Variants in USH2A observed in about 807,000 individuals in gnomAD.
USH2A encodes the protein usherin, also known as Usher syndrome 2A (autosomal recessive, mild).
In USH2A, 443 loss-of-function variants were observed where a neutral mutation model predicts 538.9. The observed-to-expected ratio is 0.82, with a 90% confidence interval of 0.76 to 0.89. USH2A has a LOEUF of 0.89. Ranked by LOEUF, USH2A falls within the 40% of genes least tolerant of loss-of-function variation. USH2A has a pLI of 0.00. For synonymous variants in USH2A, 2,413 were observed against 2,273.5 expected (o/e 1.06, Z -1.75); for missense variants, 6,633 against 6,324.8 (o/e 1.05, Z -1.65).
At chr1:215,720,879 A>G (rs1296492034) in intron 61 of USH2A, among the ~76,000 whole-genome samples, 2 of 152,150 alleles carry the variant, frequency 1.3e-5, no homozygotes, top group Non-Finnish European at 2.9e-5. Flanking sequence ...CAAAATTAAT[A>G]GAAGATTAAT....
At chr1:216,092,815 T>G (rs928109613) in intron 22 of USH2A, among the ~76,000 whole-genome samples, 1 of 152,310 alleles carries the variant, frequency 6.6e-6, no homozygotes, top group East Asian at 1.9e-4. Flanking sequence ...GCCATCCTGC[T>G]CAACCCATAT....
At chr1:216,065,023 T>C (rs1291502659) in intron 30 of USH2A, among the ~76,000 whole-genome samples, 1 of 152,238 alleles carries the variant, frequency 6.6e-6, no homozygotes, top group Non-Finnish European at 1.5e-5. Context: ...CAAAACTGCA[T>C]GCATAGTTAA....
At chr1:215,734,564 T>C (rs1660100511) in intron 60 of USH2A, among the ~76,000 whole-genome samples, 1 of 152,226 alleles carries the variant, frequency 6.6e-6, no homozygotes, top group African/African-American at 2.4e-5. Flanking sequence ...TGCTCTCTGC[T>C]TCCCTTTTAC....
At chr1:215,990,224 A>G (rs1433395691) in intron 35 of USH2A, among the ~76,000 whole-genome samples, 2 of 152,240 alleles carry the variant, frequency 1.3e-5, no homozygotes, top group African/African-American at 2.4e-5. Flanking sequence ...GGTCAAATGC[A>G]AGATCGGTAT....
chr1:215,680,243 C>G lies in USH2A; in HGVS notation c.12200G>C (p.Ser4067Thr), dbSNP rs915415173. Reference sequence around the variant, plus strand: ...TTCTACTATAAAGTTTCTCAGTCCACTTGGGGAAGATTCTAAGGTTTGAAT... The same window carrying G: ...TTCTACTATAAAGTTTCTCAGTCCAGTTGGGGAAGATTCTAAGGTTTGAAT... Reference protein sequence around the residue: ...TLIQTLESSPSGLRNFIVEQK... With the variant: ...TLIQTLESSPTGLRNFIVEQK... The change falls in exon 62 of 72, where the codon AGT (serine) becomes ACT (threonine). Residue 4067 changes from serine (S) to threonine (T), a missense_variant. Coordinates refer to ENST00000307340, the MANE Select transcript of USH2A (RefSeq NM_206933.4). 6.2e-7 allele frequency: 1 copy of G among 1,614,038 alleles called. No individual in the cohort carries two copies. Among genetic ancestry groups the G allele is most frequent in the Non-Finnish European group, 8.5e-7 (1 of 1,180,012 alleles).
At chr1:215,994,574 C>T (rs1668090326) in intron 34 of USH2A, among the ~76,000 whole-genome samples, 1 of 152,114 alleles carries the variant, frequency 6.6e-6, no homozygotes, top group Non-Finnish European at 1.5e-5. Context: ...AATTAAGCAA[C>T]TTTCAGATGG....
At chr1:216,274,449 T>C (rs576218964) in intron 11 of USH2A, among the ~76,000 whole-genome samples, 36 of 152,246 alleles carry the variant, frequency 2.4e-4, no homozygotes, top group Non-Finnish European at 4.3e-4. Context: ...TTCTCAGCCC[T>C]AAGATGTGGA....
At chr1:216,352,246 C>A (rs1450119660) in intron 4 of USH2A, among the ~76,000 whole-genome samples, 1 of 151,732 alleles carries the variant, frequency 6.6e-6, no homozygotes, top group Admixed American at 6.6e-5. Context: ...GCTTGGGGTA[C>A]CAATACTAAG....
At chr1:215,776,901 C>T (rs771659754) in intron 55 of USH2A, among the ~76,000 whole-genome samples, 6 of 152,004 alleles carry the variant, frequency 3.9e-5, no homozygotes, top group South Asian at 4.1e-4. Flanking sequence ...CATTCCTGTC[C>T]CCAAAGAACT....
chr1:216,182,114 G>A (rs2034505670), intron 20 of USH2A, among the ~76,000 whole-genome samples: 1 of 152,064 alleles, frequency 6.6e-6, no homozygotes, highest in South Asian at 2.1e-4. Context: ...ATATGTCCAT[G>A]TGGGAGAAAA....
chr1:216,001,481 A>G (rs1668264825), intron 32 of USH2A, among the ~76,000 whole-genome samples: 1 of 152,178 alleles, frequency 6.6e-6, no homozygotes, highest in African/African-American at 2.4e-5. Context: ...AATCTGTAAT[A>G]TACTAACTCA....
chr1:215,978,600 ATAAT>A (rs767041143), intron 35 of USH2A, among the ~76,000 whole-genome samples: 10 of 152,228 alleles, frequency 6.6e-5, no homozygotes, highest in Non-Finnish European at 1.0e-4. Flanking sequence ...AAACATAGGT[ATAAT>A]TAAATAACAA....
At position 216,301,991 on chromosome 1, in the gene USH2A, A is replaced by G. The variant is rs144885931; in HGVS notation, c.1645-9621T>C. 4.6e-5 allele frequency among the ~76,000 whole-genome samples: 7 copies of G among 152,324 alleles called. No individual in the cohort carries two copies. The East Asian group carries it at 1.4e-3, about 29-fold the overall frequency. The stretch of plus-strand genomic sequence containing the variant: ...GATCCAGTTTCACTGTGATTTGTCT[A>G]CTAGGTAGAGAAATCATCTTTATAA... On this transcript the variant is annotated intron_variant, in intron 9 of 71. Coordinates refer to ENST00000307340, the MANE Select transcript of USH2A (RefSeq NM_206933.4).
chr1:215,922,706 T>A (rs1442606278), intron 38 of USH2A, among the ~76,000 whole-genome samples: 1 of 152,006 alleles, frequency 6.6e-6, no homozygotes, highest in East Asian at 1.9e-4. Context: ...GAGAGTAGGG[T>A]TTGAGAAGTT....
In USH2A at chr1:215,867,050, A is replaced by G; in HGVS notation, c.8802T>C (p.Ser2934=). The change falls in exon 44 of 72, where the codon AGT becomes AGC. Residue 2934 remains serine, a synonymous_variant. Coordinates refer to ENST00000307340, the MANE Select transcript of USH2A (RefSeq NM_206933.4). ...CGTCGATGGCTGTGTGGTTAAGGAC[A>G]CTCGCAGTGAGATTGGCTCCTCTCT... ...LPERGANLTA[S]VLNHTAIDVR... 1 of 1,614,058 alleles carries G rather than the reference A, an allele frequency of 6.2e-7. No homozygotes were observed. The highest frequency in any genetic ancestry group is 8.5e-7 in the Non-Finnish European group (1 of 1,179,988).
intron 21 of USH2A, among the ~76,000 whole-genome samples, chr1:216,129,586 G>A (rs1213202656): frequency 6.6e-6 from 1 of 151,984 alleles, no homozygotes; most frequent in Non-Finnish European, 1.5e-5. Context: ...CATTTTCTAT[G>A]TTCATGTATT....
intron 38 of USH2A, among the ~76,000 whole-genome samples, chr1:215,902,727 G>T (rs1206011423): frequency 6.6e-6 from 1 of 152,120 alleles, no homozygotes; most frequent in Non-Finnish European, 1.5e-5. Context: ...GACTTCACTG[G>T]CATGAGGGAG....
At chr1:216,183,794 T>C (rs778282741) in intron 20 of USH2A, among the ~76,000 whole-genome samples, 3 of 152,026 alleles carry the variant, frequency 2.0e-5, no homozygotes, top group Non-Finnish European at 4.4e-5. Flanking sequence ...ATGCAATGAA[T>C]TTTTCAGTTA....
intron 4 of USH2A, among the ~76,000 whole-genome samples, chr1:216,362,226 C>T (rs1189919093): frequency 1.3e-5 from 2 of 151,926 alleles, no homozygotes; most frequent in African/African-American, 2.4e-5. Context: ...ATATTCTTAA[C>T]ATAAATGAGT....
Sources: allele counts gnomAD v4.1 joint callset (sites outside exome capture counted in the v4.1 genomes callset), GRCh38; gene constraint gnomAD v4.1.1; transcripts MANE v1.5; gene names NCBI Gene and HGNC (gene_info 2026-07-23, HGNC 2026-07-21).